COA5: variants seen among roughly 807,000 people sequenced by gnomAD.
COA5 encodes cytochrome c oxidase assembly factor 5, also known as protein C2orf64.
In COA5, 11 loss-of-function variants were observed where a neutral mutation model predicts 11.8. The observed-to-expected ratio is 0.93, with a 90% CI of 0.59 to 1.54. The LOEUF is 1.54. COA5 is among the 40% of genes most tolerant of loss of function. The probability of loss-of-function intolerance (pLI) is 0.00; values close to 1 mark genes in which losing one functional copy is unlikely to be tolerated. For missense variants in COA5, 87 were observed against 89.2 expected (o/e 0.97, Z 0.10); for synonymous variants, 38 against 37.5 (o/e 1.01, Z -0.05).
chr2:98,604,273 C>A, intron 1 of COA5, 82 bp from the exon 2 acceptor site: 1 of 1,103,410 alleles, frequency 9.1e-7, no homozygotes, highest in Non-Finnish European at 1.4e-6. Context: ...TGAAAATAGT[C>A]CTTTTTAAAA....
At chr2:98,605,573 GTCTCTGTAACATGCACTTGAATCTATAT>G (rs1559145047) in intron 1 of COA5, among the ~76,000 whole-genome samples, 3 of 152,166 alleles carry the variant, frequency 2.0e-5, no homozygotes. Flanking sequence ...ATTATTCTGG[GTCTCTGTAACATGCACTTGAATCTATAT>G]TCTAACTAAT....
intron 2 of COA5, among the ~76,000 whole-genome samples, chr2:98,601,305 C>T (rs1288688858): frequency 6.6e-6 from 1 of 152,100 alleles, no homozygotes; most frequent in Admixed American, 6.5e-5. Flanking sequence ...AATCAAGAAT[C>T]CAAATTACAT....
At chr2:98,602,805 TAAA>T (rs199805772) in intron 2 of COA5, among the ~76,000 whole-genome samples, 1 of 151,616 alleles carries the variant, frequency 6.6e-6, no homozygotes, top group Admixed American at 6.6e-5. Flanking sequence ...ATTGTAAAAA[TAAA>T]AAAAAATCTG....
intron 1 of COA5, 80 bp from the exon 2 acceptor site, chr2:98,604,271 G>A: frequency 9.0e-7 from 1 of 1,111,108 alleles, no homozygotes; most frequent in Non-Finnish European, 1.4e-6. Context: ...TCTGAAAATA[G>A]TCCTTTTTAA....
At chr2:98,604,750 G>C in intron 1 of COA5, 1 of 155,172 alleles carries the variant, frequency 6.4e-6, no homozygotes, top group Non-Finnish European at 1.4e-5. Flanking sequence ...TGCCAGGCAC[G>C]CTCTGCCAGT....
intron 2 of COA5, chr2:98,602,303 T>C: frequency 6.6e-6 from 1 of 152,212 alleles, no homozygotes; most frequent in East Asian, 1.9e-4. Flanking sequence ...AACAGCGATA[T>C]GACTCTACTC....
chr2:98,605,842 T>C (rs1226426788), intron 1 of COA5: 1 of 152,210 alleles, frequency 6.6e-6, no homozygotes, highest in Non-Finnish European at 1.5e-5. Flanking sequence ...ATGAGTGAAG[T>C]TCCTCTGGCA....
At position 98,600,469 on chromosome 2, in the gene COA5, T is replaced by G. The variant is rs1015029682; in HGVS notation, c.*283A>C. On this transcript the variant is annotated 3_prime_UTR_variant, in exon 3 of 3. Transcript: ENST00000328709. ...AGTCAAGTTTGCAAATAACAGTCTT[T>G]CCATTTTCTGTGCTTTAGAACAATT... is the stretch of plus-strand genomic sequence containing the variant. 1 of 459,172 alleles carries G rather than the reference T, an allele frequency of 2.2e-6. No individual in the cohort carries two copies. Among genetic ancestry groups the G allele is most frequent in the Admixed American group, 3.5e-5 (1 of 28,860 alleles). The allele number at this position is 459,172 out of a possible 1,614,324, so 28.4% of individuals were successfully genotyped here. A position where few individuals can be genotyped will look rare whatever the true frequency, so the allele number is the denominator to read the frequency against.
intron 2 of COA5, among the ~76,000 whole-genome samples, chr2:98,603,616 A>G (rs959976079): frequency 6.6e-6 from 1 of 152,242 alleles, no homozygotes; most frequent in Non-Finnish European, 1.5e-5. Flanking sequence ...ATCTCCATAC[A>G]TCTTCCAAAT....
chr2:98,608,299 C>G lies in COA5; in HGVS notation c.99+8G>C. On this transcript the variant is annotated splice_region_variant and intron_variant, in intron 1 of 2. Coordinates refer to ENST00000328709, the MANE Select transcript of COA5 (RefSeq NM_001008215.3). ...GTCGTCACCACCGGGAGCGCCCGGC[C>G]GCGCTACCTGGACCACACAGTCCGA... is the stretch of plus-strand genomic sequence containing the variant. The G allele has an allele frequency of 6.3e-7, 1 of 1,585,462 alleles. No homozygotes were observed.
intron 2 of COA5, chr2:98,602,648 CAAAAA>C (rs760690501): frequency 2.8e-5 from 2 of 71,660 alleles, no homozygotes; most frequent in Non-Finnish European, 5.7e-5. Flanking sequence ...GACTCCATCT[CAAAAA>C]AAAAAAAAAA....
intron 1 of COA5, chr2:98,605,818 G>A (rs1198000269): frequency 6.6e-6 from 1 of 152,276 alleles, no homozygotes; most frequent in Admixed American, 6.5e-5. Context: ...TAGTGGAGAC[G>A]AAGATACCCT....
intron 2 of COA5, among the ~76,000 whole-genome samples, chr2:98,601,889 G>C (rs1416172872): frequency 1.3e-5 from 2 of 152,170 alleles, no homozygotes; most frequent in Non-Finnish European, 2.9e-5. Context: ...AAGTGGAACA[G>C]TTTCATCCCA....
rs942865097 is a variant in COA5 at position 98,608,176 on chromosome 2, T to A, written c.99+131A>T. On this transcript the variant is annotated intron_variant, in intron 1 of 2. Coordinates refer to ENST00000328709, the MANE Select transcript of COA5 (RefSeq NM_001008215.3). ...GCTCAGTGGATCTGCGCACGTTCAGTGAGCCCGAGCTGTGACCTACGCCCG... is the reference window on the plus strand; with the variant it reads ...GCTCAGTGGATCTGCGCACGTTCAGAGAGCCCGAGCTGTGACCTACGCCCG... 32 of 702,124 alleles carry A rather than the reference T, an allele frequency of 4.6e-5. 1 individual carries two copies. In the East Asian group the frequency reaches 7.3e-4, roughly 16 times the overall value. 43.5% of individuals were successfully genotyped at this position (702,124 alleles called of 1,614,324 possible). A position where few individuals can be genotyped will look rare whatever the true frequency, so the allele number is the denominator to read the frequency against.
chr2:98,602,438 C>G (rs1330903076), intron 2 of COA5: 1 of 152,196 alleles, frequency 6.6e-6, no homozygotes, highest in Non-Finnish European at 1.5e-5. Context: ...GTGGGTGGAT[C>G]AGGAGTTTGA....
At chr2:98,607,272 C>T (rs1015747193) in intron 1 of COA5, among the ~76,000 whole-genome samples, 2 of 152,164 alleles carry the variant, frequency 1.3e-5, no homozygotes, top group African/African-American at 4.8e-5. Flanking sequence ...GCTGGCTGAA[C>T]GGCAGCACCA....
chr2:98,601,215 A>G (rs1700637345), intron 2 of COA5, among the ~76,000 whole-genome samples: 1 of 151,388 alleles, frequency 6.6e-6, no homozygotes. Flanking sequence ...ACTGCACTCC[A>G]GCCTGGGCAA....
intron 2 of COA5, chr2:98,602,767 G>C (rs1361632185): frequency 6.5e-6 from 1 of 153,942 alleles, no homozygotes; most frequent in African/African-American, 2.4e-5. Flanking sequence ...ATGTAAGATT[G>C]TTAAAAATTT....
chr2:98,603,749 A>G (rs1358445087), intron 2 of COA5, among the ~76,000 whole-genome samples: 1 of 152,312 alleles, frequency 6.6e-6, no homozygotes, highest in Admixed American at 6.5e-5. Flanking sequence ...TAAGGCACAA[A>G]TGTATACACC....
Sources: allele counts gnomAD v4.1 joint callset (sites outside exome capture counted in the v4.1 genomes callset), GRCh38; gene constraint gnomAD v4.1.1; transcripts MANE v1.5; gene names NCBI Gene and HGNC (gene_info 2026-07-23, HGNC 2026-07-21).